ROBO1: variants seen among roughly 807,000 people sequenced by gnomAD.
ROBO1 encodes the protein roundabout homolog 1.
Under a neutral mutation model 195.9 loss-of-function variants are expected in ROBO1, and 149 were observed. The observed-to-expected ratio is 0.76, with a 90% CI of 0.67 to 0.87. ROBO1 has a LOEUF of 0.87. Ranked by LOEUF, ROBO1 falls within the 40% of genes least tolerant of loss-of-function variation. The pLI is 0.00. For missense variants in ROBO1, 1,933 were observed against 2,068.3 expected (o/e 0.93, Z 1.27); for synonymous variants, 816 against 733.2 (o/e 1.11, Z -1.82).
chr3:78,851,666 A>G (rs970101040), intron 4 of ROBO1, among the ~76,000 whole-genome samples: 1 of 152,228 alleles, frequency 6.6e-6, no homozygotes, highest in Non-Finnish European at 1.5e-5. Flanking sequence ...GAAAATATAT[A>G]AATCAATTTT....
At chr3:79,687,898 C>T (rs1462475706) in intron 1 of ROBO1, among the ~76,000 whole-genome samples, 2 of 152,090 alleles carry the variant, frequency 1.3e-5, no homozygotes, top group African/African-American at 2.4e-5. Context: ...ATAAATCATG[C>T]TGCTATAAAG....
At chr3:79,640,303 A>G (rs1353759036) in intron 1 of ROBO1, among the ~76,000 whole-genome samples, 1 of 80,808 alleles carries the variant, frequency 1.2e-5, no homozygotes, top group African/African-American at 5.0e-5. Flanking sequence ...TTAAATTTTA[A>G]TTTTTAAAAA....
intron 2 of ROBO1, among the ~76,000 whole-genome samples, chr3:79,449,463 A>G (rs1393915391): frequency 2.0e-5 from 3 of 151,914 alleles, no homozygotes. Flanking sequence ...TTATTAAAAA[A>G]GAATATATTT....
intron 3 of ROBO1, among the ~76,000 whole-genome samples, chr3:79,095,730 T>A (rs1296638632): frequency 1.3e-5 from 2 of 149,742 alleles, no homozygotes; most frequent in Non-Finnish European, 2.9e-5. Context: ...CAAGATGAGT[T>A]CTCTCTCTTA....
chr3:79,650,303 TG>T (rs1484158389), intron 1 of ROBO1, among the ~76,000 whole-genome samples: 1 of 151,698 alleles, frequency 6.6e-6, no homozygotes, highest in Non-Finnish European at 1.5e-5. Flanking sequence ...ACTTTGTCAA[TG>T]AATTTGAAAA....
intron 1 of ROBO1, among the ~76,000 whole-genome samples, chr3:79,760,611 A>G (rs1055282082): frequency 1.0e-5 from 1 of 97,748 alleles, no homozygotes; most frequent in African/African-American, 4.7e-5. Flanking sequence ...AGCAATTCAC[A>G]GCAAAAAAAA....
intron 1 of ROBO1, among the ~76,000 whole-genome samples, chr3:79,713,098 G>T (rs1271128334): frequency 6.9e-6 from 1 of 145,264 alleles, no homozygotes; most frequent in African/African-American, 2.6e-5. Flanking sequence ...AGTATTTTAA[G>T]ACCACTGTTG....
intron 2 of ROBO1, among the ~76,000 whole-genome samples, chr3:79,160,426 TA>T (rs1487358602): frequency 3.3e-5 from 5 of 152,020 alleles, no homozygotes; most frequent in African/African-American, 1.2e-4. Flanking sequence ...TATTAGCTCA[TA>T]AATTTATCTT....
At chr3:79,669,364 CG>C (rs1448311054) in intron 1 of ROBO1, among the ~76,000 whole-genome samples, 2 of 151,804 alleles carry the variant, frequency 1.3e-5, no homozygotes, top group African/African-American at 2.4e-5. Flanking sequence ...CAGTCTCATA[CG>C]GGTATATCTT....
At chr3:79,481,078 ATCACATTCTGCATAATTTATAAT>A (rs1469658538) in intron 2 of ROBO1, among the ~76,000 whole-genome samples, 1 of 152,106 alleles carries the variant, frequency 6.6e-6, no homozygotes, top group Non-Finnish European at 1.5e-5. Flanking sequence ...GCTACTAATT[ATCACATTCTGCATAATTTATAAT>A]GTATTCTACT....
chr3:78,653,271 C>A (rs1466449723), intron 18 of ROBO1, among the ~76,000 whole-genome samples: 2 of 152,044 alleles, frequency 1.3e-5, no homozygotes, highest in Admixed American at 6.5e-5. Flanking sequence ...CAGACATCTG[C>A]CTTACATGAC....
At chr3:78,842,136 TTTG>T (rs1171805444) in intron 4 of ROBO1, among the ~76,000 whole-genome samples, 2 of 116,874 alleles carry the variant, frequency 1.7e-5, no homozygotes, top group Admixed American at 9.5e-5. Flanking sequence ...GAATCGCCAA[TTTG>T]TTTTTTTTTT....
intron 4 of ROBO1, among the ~76,000 whole-genome samples, chr3:78,857,476 C>T (rs891742832): frequency 1.3e-5 from 2 of 152,098 alleles, no homozygotes; most frequent in Non-Finnish European, 2.9e-5. Context: ...TCAATAGCCC[C>T]AAAGATGTCA....
At chr3:79,443,570 T>C (rs1475269541) in intron 2 of ROBO1, among the ~76,000 whole-genome samples, 1 of 152,128 alleles carries the variant, frequency 6.6e-6, no homozygotes, top group Non-Finnish European at 1.5e-5. Flanking sequence ...TTGAGAAATA[T>C]AGCACTTTTT....
At chr3:79,386,680 G>C (rs1412978778) in intron 2 of ROBO1, among the ~76,000 whole-genome samples, 1 of 152,100 alleles carries the variant, frequency 6.6e-6, no homozygotes, top group Non-Finnish European at 1.5e-5. Flanking sequence ...GTAGCTTCAC[G>C]CATTGGTTGT....
chr3:79,755,481 C>G (rs1704339291), intron 1 of ROBO1, among the ~76,000 whole-genome samples: 1 of 152,102 alleles, frequency 6.6e-6, no homozygotes, highest in Non-Finnish European at 1.5e-5. Context: ...AAAGCTTTAT[C>G]TTTGTGTAAT....
intron 2 of ROBO1, among the ~76,000 whole-genome samples, chr3:79,320,450 C>T (rs1230741806): frequency 6.6e-6 from 1 of 152,082 alleles, no homozygotes; most frequent in African/African-American, 2.4e-5. Flanking sequence ...CACCTCAGCC[C>T]CTGAGTAGCT....
chr3:79,080,703 G>T (rs1165539068), intron 3 of ROBO1, among the ~76,000 whole-genome samples: 1 of 151,998 alleles, frequency 6.6e-6, no homozygotes, highest in East Asian at 1.9e-4. Context: ...AAAGGTCATG[G>T]CCGCTCTAAT....
At chr3:78,679,188 A>G (rs2107779813) in intron 10 of ROBO1, among the ~76,000 whole-genome samples, 1 of 151,994 alleles carries the variant, frequency 6.6e-6, no homozygotes, top group Non-Finnish European at 1.5e-5. Flanking sequence ...AAATAATAAG[A>G]GCTATCTATG....
Sources: allele counts gnomAD v4.1 joint callset (sites outside exome capture counted in the v4.1 genomes callset), GRCh38; gene constraint gnomAD v4.1.1; transcripts MANE v1.5; gene names NCBI Gene and HGNC (gene_info 2026-07-23, HGNC 2026-07-21).